The following ADAMTS12 variants were observed in gnomAD, a reference collection of about 807,000 sequenced individuals.
ADAMTS12 encodes the protein A disintegrin and metalloproteinase with thrombospondin motifs 12.
Under a neutral mutation model 167.8 loss-of-function variants are expected in ADAMTS12, and 118 were observed. The ratio of observed to expected loss-of-function variants is 0.70; its 90% confidence interval spans 0.61 to 0.82. The LOEUF (loss-of-function observed/expected upper bound fraction) is 0.82. Among genes scored for constraint, ADAMTS12 ranks in the 40% least tolerant of loss-of-function variants. The probability of loss-of-function intolerance (pLI) is 0.00; values close to 1 mark genes in which losing one functional copy is unlikely to be tolerated. For synonymous variants in ADAMTS12, 704 were observed against 716.9 expected, an observed-to-expected ratio of 0.98 and a Z score of 0.29; for missense variants, 1,916 against 1,998.8, an observed-to-expected ratio of 0.96 and a Z score of 0.79.
intron 2 of ADAMTS12, among the ~76,000 whole-genome samples, chr5:33,799,851 T>C (rs1448995671): frequency 1.3e-5 from 2 of 152,176 alleles, no homozygotes; most frequent in African/African-American, 4.8e-5. Context: ...GTCCCTCTTA[T>C]ATGTGACATA....
chr5:33,544,263 C>T (rs185761518), intron 22 of ADAMTS12, among the ~76,000 whole-genome samples: 8 of 152,128 alleles, frequency 5.3e-5, no homozygotes, highest in African/African-American at 9.6e-5. Flanking sequence ...CATTCACAAT[C>T]GCTACAAAGA....
At chr5:33,886,877 T>G (rs978721487) in intron 1 of ADAMTS12, among the ~76,000 whole-genome samples, 2 of 152,046 alleles carry the variant, frequency 1.3e-5, no homozygotes, top group Non-Finnish European at 2.9e-5. Flanking sequence ...AGGCTGGGAG[T>G]GAGGCTCCAA....
At chr5:33,683,750 TA>T in intron 4 of ADAMTS12, 108 bp downstream of exon 4, 1 of 713,414 alleles carries the variant, frequency 1.4e-6, no homozygotes, top group Non-Finnish European at 2.0e-6. Context: ...TATATATTTA[TA>T]AAAATAAGTT....
intron 3 of ADAMTS12, among the ~76,000 whole-genome samples, chr5:33,710,813 C>A (rs1400495829): frequency 2.0e-5 from 3 of 152,074 alleles, no homozygotes; most frequent in Non-Finnish European, 4.4e-5. Context: ...TGCAGACACA[C>A]AGAAATAATA....
At position 33,721,651 on chromosome 5, in the gene ADAMTS12, G is replaced by A. The variant is rs564226478; in HGVS notation, c.634+29753C>T. The stretch of plus-strand genomic sequence containing the variant: ...ATATTGCTGAGCTGGCAAAGCAAAC[G>A]CTTGCCCCGAGCCTTTCCTGCCAAT... On this transcript the variant is annotated intron_variant, in intron 3 of 23. Transcript: ENST00000504830. Among the ~76,000 whole-genome samples the A allele has an allele frequency of 3.9e-5, 6 of 152,288 alleles. No homozygotes were observed. In the East Asian group the frequency reaches 5.8e-4, roughly 15 times the overall value.
chr5:33,667,407 T>C (rs1175146924), intron 5 of ADAMTS12, among the ~76,000 whole-genome samples: 4 of 152,086 alleles, frequency 2.6e-5, no homozygotes, highest in Admixed American at 1.3e-4. Flanking sequence ...GGAATAATTC[T>C]GTATGGTTGC....
intron 16 of ADAMTS12, among the ~76,000 whole-genome samples, chr5:33,601,156 C>A (rs1014630990): frequency 1.9e-4 from 28 of 148,122 alleles, no homozygotes; most frequent in Non-Finnish European, 3.7e-4. Context: ...ACAATCACAA[C>A]ATCGACAGCA....
At chr5:33,527,765 C>A (rs1743893929) in intron 23 of ADAMTS12, among the ~76,000 whole-genome samples, 1 of 152,208 alleles carries the variant, frequency 6.6e-6, no homozygotes, top group African/African-American at 2.4e-5. Context: ...TGATGAGCTT[C>A]TGCTGTCACC....
At chr5:33,756,173 T>C (rs1247108877) in intron 2 of ADAMTS12, among the ~76,000 whole-genome samples, 1 of 152,222 alleles carries the variant, frequency 6.6e-6, no homozygotes, top group African/African-American at 2.4e-5. Context: ...AATTTTATGC[T>C]GAAAAGGACT....
At chr5:33,567,677 G>A (rs1253979861) in intron 19 of ADAMTS12, among the ~76,000 whole-genome samples, 1 of 152,180 alleles carries the variant, frequency 6.6e-6, no homozygotes, top group Non-Finnish European at 1.5e-5. Flanking sequence ...ATCCACTGTG[G>A]TAATAGAGGG....
chr5:33,702,073 C>A (rs1166754869), intron 3 of ADAMTS12, among the ~76,000 whole-genome samples: 1 of 152,154 alleles, frequency 6.6e-6, no homozygotes, highest in Non-Finnish European at 1.5e-5. Flanking sequence ...GTCTCCAACC[C>A]ATCCCACCGA....
At chr5:33,618,128 T>C (rs953157651) in intron 14 of ADAMTS12, among the ~76,000 whole-genome samples, 2 of 152,242 alleles carry the variant, frequency 1.3e-5, no homozygotes, top group African/African-American at 4.8e-5. Flanking sequence ...ATGCATTATA[T>C]ATTGAATTCT....
chr5:33,609,796 A>AT (rs1242424420), intron 16 of ADAMTS12, among the ~76,000 whole-genome samples: 1 of 152,224 alleles, frequency 6.6e-6, no homozygotes, highest in Non-Finnish European at 1.5e-5. Context: ...AAAATAAAAC[A>AT]TTTAACAGTT....
At chr5:33,555,472 A>G (rs1745449706) in intron 20 of ADAMTS12, among the ~76,000 whole-genome samples, 1 of 152,158 alleles carries the variant, frequency 6.6e-6, no homozygotes, top group Non-Finnish European at 1.5e-5. Flanking sequence ...CTGGTCTTGA[A>G]CTGCTGAGGT....
At chr5:33,807,839 G>C (rs1205107174) in intron 2 of ADAMTS12, among the ~76,000 whole-genome samples, 1 of 152,212 alleles carries the variant, frequency 6.6e-6, no homozygotes, top group Non-Finnish European at 1.5e-5. Flanking sequence ...GCAAAAAGAA[G>C]CAGGTGTGGA....
chr5:33,730,759 T>C lies in ADAMTS12; in HGVS notation c.634+20645A>G, dbSNP rs558916346. Among the ~76,000 whole-genome samples the C allele has an allele frequency of 4.6e-5, 7 of 152,322 alleles. No individual in the cohort carries two copies. The East Asian group carries it at 1.2e-3, about 25-fold the overall frequency. The stretch of plus-strand genomic sequence containing the variant: ...TCACACTGGTATAATATTAACTCCA[T>C]TGATGTTTTCACAAATTCTCAACTG... On this transcript the variant is annotated intron_variant, in intron 3 of 23. Coordinates refer to ENST00000504830, the MANE Select transcript of ADAMTS12 (RefSeq NM_030955.4).
At chr5:33,758,891 A>G (rs1305796394) in intron 2 of ADAMTS12, among the ~76,000 whole-genome samples, 1 of 152,200 alleles carries the variant, frequency 6.6e-6, no homozygotes, top group Non-Finnish European at 1.5e-5. Flanking sequence ...TCACAACTGC[A>G]AAGTTTGTGT....
intron 2 of ADAMTS12, among the ~76,000 whole-genome samples, chr5:33,835,726 A>C (rs1256715914): frequency 6.6e-6 from 1 of 152,140 alleles, no homozygotes. Context: ...GGATTTTAAC[A>C]TATCAATTTT....
At chr5:33,678,510 G>A (rs1741999372) in intron 5 of ADAMTS12, among the ~76,000 whole-genome samples, 1 of 152,120 alleles carries the variant, frequency 6.6e-6, no homozygotes, top group Non-Finnish European at 1.5e-5. Context: ...TAGGAAAGGG[G>A]GTCAGGAAAG....
Sources: gnomAD v4.1 joint callset for allele counts (sites outside exome capture counted in the v4.1 genomes callset) on GRCh38, gnomAD v4.1.1 for gene constraint, MANE v1.5 for transcripts, NCBI Gene and HGNC (gene_info 2026-07-23, HGNC 2026-07-21) for gene names.